The following FBXL3 variants were observed in gnomAD, a reference collection of about 807,000 sequenced individuals.
FBXL3 encodes F-box and leucine rich repeat protein 3.
A neutral mutation model predicts 37.9 loss-of-function variants in FBXL3; 14 were observed. The ratio of observed to expected loss-of-function variants is 0.37; its 90% CI spans 0.24 to 0.58. The LOEUF is 0.58. Among genes scored for constraint, FBXL3 ranks in the 20% least tolerant of loss-of-function variants. The pLI, the probability that FBXL3 is intolerant of heterozygous loss-of-function variation, is 0.74. For missense variants in FBXL3, 327 were observed against 511.1 expected (o/e 0.64, Z 3.47); for synonymous variants, 194 against 180.1 (o/e 1.08, Z -0.62).
chr13:77,007,277 G>A lies in FBXL3; in HGVS notation c.1155C>T (p.Gly385=), dbSNP rs781255853. The A allele has an allele frequency of 6.2e-7, 1 of 1,614,034 alleles. No individual in the cohort carries two copies. Among genetic ancestry groups the A allele is most frequent in the Non-Finnish European group, 8.5e-7 (1 of 1,180,004 alleles). ...AFVEFVKMCG[G]RLSQLSIMEE... ...CCATAATGGATAATTGAGATAGGCGGCCACCACACATCTTCACAAACTCAA... is the reference window on the plus strand; with the variant it reads ...CCATAATGGATAATTGAGATAGGCGACCACCACACATCTTCACAAACTCAA... Residue 385 remains glycine (G), a synonymous_variant, in exon 5 of 5, where the codon GGC becomes GGT. Coordinates refer to ENST00000355619, the MANE Select transcript of FBXL3 (RefSeq NM_012158.4).
rs752598486 is a variant in FBXL3, at chr13:77,021,848, C to G, written c.13G>C (p.Gly5Arg). 1.9e-6 allele frequency: 3 copies of G among 1,605,624 alleles called. No homozygotes were observed. Among genetic ancestry groups the G allele is most frequent in the South Asian group, 2.2e-5 (2 of 90,526 alleles). MKRG[G>R]RDSDRNSSEE... Reference sequence around the variant, plus strand: ...GATGAATTACGGTCACTATCTCTTCCTCCTCGTTTCATCCTATTCCGAAAA... The same window carrying G: ...GATGAATTACGGTCACTATCTCTTCGTCCTCGTTTCATCCTATTCCGAAAA... The change falls in exon 2 of 5, where the codon GGA (glycine) becomes CGA (arginine). Residue 5 changes from glycine (G) to arginine (R), a missense_variant. By Grantham distance (125) the Gly-to-Arg change is moderately radical. Coordinates refer to ENST00000355619, the MANE Select transcript of FBXL3 (RefSeq NM_012158.4).
chr13:77,020,607 T>TG (rs1019958619), intron 2 of FBXL3, among the ~76,000 whole-genome samples: 13 of 151,470 alleles, frequency 8.6e-5, no homozygotes, highest in Non-Finnish European at 1.9e-4. Context: ...CATGCATTGT[T>TG]TTTTTTTTTC....
chr13:77,015,311 A>G (rs2034624162), intron 4 of FBXL3, 98 bp downstream of exon 4: 1 of 806,630 alleles, frequency 1.2e-6, no homozygotes, highest in East Asian at 3.0e-5. Context: ...TGAAGCAGTC[A>G]TATTAATCCA....
intron 4 of FBXL3, chr13:77,011,093 A>G (rs2034542857): frequency 6.6e-6 from 1 of 152,308 alleles, no homozygotes. Flanking sequence ...TAATCCCAGC[A>G]CTTTGGGAGG....
At position 77,006,427 on chromosome 13, in the gene FBXL3, T is replaced by A. The variant is rs1475040501; in HGVS notation, c.*718A>T. 1.3e-5 allele frequency: 2 copies of A among 152,094 alleles called. No individual in the cohort carries two copies. Among genetic ancestry groups the A allele is most frequent in the African/African-American group, 4.8e-5 (2 of 41,426 alleles). 9.4% of individuals were successfully genotyped at this position (152,094 alleles called of 1,614,324 possible). ...CAAGTGCCACATACATAATAACATATCACAAAAGAATGTATATGGTTTAGC... is the reference window on the plus strand; with the variant it reads ...CAAGTGCCACATACATAATAACATAACACAAAAGAATGTATATGGTTTAGC... On this transcript the variant is annotated 3_prime_UTR_variant, in exon 5 of 5. Transcript: ENST00000355619.
rs922294840 is a variant in FBXL3, at chr13:77,021,647, T to C, written c.214A>G (p.Met72Val). Residue 72 changes from methionine (M) to valine (V), a missense_variant, in exon 2 of 5, where the codon ATG (methionine) becomes GTG (valine). Transcript: ENST00000355619. ...VCRNWNQVFH[M>V]PDLWRCFEFE... ...TCAAAACATCTCCACAAGTCAGGCATGTGAAATACCTGGTTCCAGTTGCGG... is the reference window on the plus strand; with the variant it reads ...TCAAAACATCTCCACAAGTCAGGCACGTGAAATACCTGGTTCCAGTTGCGG... 3.1e-6 allele frequency: 5 copies of C among 1,614,172 alleles called. No homozygotes were observed. The highest frequency in any genetic ancestry group is 4.2e-6 in the Non-Finnish European group (5 of 1,180,020).
At chr13:77,022,732 G>A (rs970769118) in intron 1 of FBXL3, among the ~76,000 whole-genome samples, 16 of 152,262 alleles carry the variant, frequency 1.1e-4, no homozygotes, top group African/African-American at 3.9e-4. Context: ...TTGTGTTTCT[G>A]AATTATACCT....
chr13:77,026,192 C>T (rs2034835226), intron 1 of FBXL3: 10 of 985,280 alleles, frequency 1.0e-5, no homozygotes, highest in Non-Finnish European at 1.1e-5. Flanking sequence ...GAGATACAGA[C>T]CATTTACTGG....
intron 1 of FBXL3, among the ~76,000 whole-genome samples, chr13:77,026,584 A>C (rs1037543638): frequency 2.6e-5 from 4 of 152,004 alleles, no homozygotes; most frequent in Non-Finnish European, 5.9e-5. Flanking sequence ...GCCGCCGCAC[A>C]CGCACCACGC....
At chr13:77,015,353 A>T in intron 4 of FBXL3, 56 bp downstream of exon 4, 2 of 1,293,044 alleles carry the variant, frequency 1.5e-6, no homozygotes, top group Non-Finnish European at 1.0e-6. Context: ...GTTTTTTCTA[A>T]TTTGAACATA....
rs1454967628 is a variant in FBXL3, at chr13:77,018,699, A to G, written c.372T>C (p.Ala124=). The change falls in exon 3 of 5, where the codon GCT becomes GCC. Residue 124 remains alanine (A), a synonymous_variant. Transcript: ENST00000355619. ...GCGATAGTATATCACAAGCTGCTTC[A>G]GCTGATTCCTTGCTGCTGTCCACCT... ...SFKVDSSKES[A]EAACDILSQL... is the part of the protein sequence containing the mutation. The G allele has an allele frequency of 1.3e-6, 2 of 1,587,170 alleles. No homozygotes were observed. Among genetic ancestry groups the G allele is most frequent in the Non-Finnish European group, 1.7e-6 (2 of 1,169,062 alleles).
intron 3 of FBXL3, chr13:77,016,782 C>T (rs1191031242): frequency 6.6e-6 from 1 of 152,218 alleles, no homozygotes; most frequent in East Asian, 1.9e-4. Flanking sequence ...CCTCCTGCCT[C>T]GGCTTCCCAA....
intron 3 of FBXL3, chr13:77,017,830 C>T (rs182312258): frequency 6.6e-6 from 1 of 152,080 alleles, no homozygotes; most frequent in African/African-American, 2.4e-5. Context: ...TAGTTATATT[C>T]CCTCCTCAAT....
Position 77,015,398 on chromosome 13 carries a change from A to C in FBXL3, c.643+11T>G. The C allele has an allele frequency of 6.6e-7, 1 of 1,506,872 alleles. No homozygotes were observed. Among genetic ancestry groups the C allele is most frequent in the Non-Finnish European group, 8.9e-7 (1 of 1,127,278 alleles). The allele number at this position is 1,506,872 out of a possible 1,614,324, so 93.3% of individuals were successfully genotyped here. ...TTTACTAAAATGTGTCTAGCAAAAA[A>C]CACAACATACCTGCTGGAGAGACAT... is the stretch of plus-strand genomic sequence containing the variant. On this transcript the variant is annotated intron_variant, in intron 4 of 4. Coordinates refer to ENST00000355619, the MANE Select transcript of FBXL3 (RefSeq NM_012158.4).
chr13:77,024,435 T>C (rs1302082178), intron 1 of FBXL3, among the ~76,000 whole-genome samples: 1 of 152,210 alleles, frequency 6.6e-6, no homozygotes, highest in Non-Finnish European at 1.5e-5. Context: ...GAATACTGAT[T>C]GCCTGTTTCT....
At chr13:77,019,547 G>T (rs2034704772) in intron 2 of FBXL3, among the ~76,000 whole-genome samples, 1 of 152,048 alleles carries the variant, frequency 6.6e-6, no homozygotes, top group East Asian at 1.9e-4. Flanking sequence ...ATAATATGTG[G>T]TCCCTGAGAC....
rs1309529067 is a variant in FBXL3, at chr13:77,007,779, C to T, written c.653G>A (p.Cys218Tyr). The change falls in exon 5 of 5, where the codon TGT becomes TAT. Residue 218 changes from cysteine to tyrosine, a missense_variant. Cys to Tyr is a radical substitution (Grantham distance 194). Transcript: ENST00000355619. ...CPHVSPAGIL[C>Y]VADQCHGLRE... ...TAAGCCGTGACACTGATCAGCCACA[C>T]AAAGGATACCTTGAAAGAAAAAAAA... 1 of 1,562,442 alleles carries T rather than the reference C, an allele frequency of 6.4e-7. No homozygotes were observed. Among genetic ancestry groups the T allele is most frequent in the Non-Finnish European group, 8.7e-7 (1 of 1,154,698 alleles).
intron 3 of FBXL3, chr13:77,016,242 T>C (rs2034640532): frequency 6.6e-6 from 1 of 152,190 alleles, no homozygotes; most frequent in Admixed American, 6.6e-5. Context: ...TATGTGTATA[T>C]ACACACATAC....
chr13:77,011,092 C>A (rs954473482), intron 4 of FBXL3: 2 of 152,274 alleles, frequency 1.3e-5, no homozygotes, highest in Non-Finnish European at 2.9e-5. Flanking sequence ...GTAATCCCAG[C>A]ACTTTGGGAG....
Sources: allele counts gnomAD v4.1 joint callset (sites outside exome capture counted in the v4.1 genomes callset), GRCh38; gene constraint gnomAD v4.1.1; transcripts MANE v1.5; gene names NCBI Gene and HGNC (gene_info 2026-07-23, HGNC 2026-07-21).